ADAMTS12: variants seen among roughly 807,000 people sequenced by gnomAD.
ADAMTS12 encodes the protein ADAM metallopeptidase with thrombospondin type 1 motif 12.
In ADAMTS12, 118 loss-of-function variants were observed where a neutral mutation model predicts 167.8. The ratio of observed to expected loss-of-function variants is 0.70; its 90% confidence interval spans 0.61 to 0.82. The LOEUF (loss-of-function observed/expected upper bound fraction) is 0.82, where lower values mean the gene tolerates loss of function less well. Among genes scored for constraint, ADAMTS12 ranks in the 40% least tolerant of loss-of-function variants. ADAMTS12 has a pLI of 0.00. For synonymous variants in ADAMTS12, 704 were observed against 716.9 expected (o/e 0.98, Z 0.29); for missense variants, 1,916 against 1,998.8 (o/e 0.96, Z 0.79).
intron 20 of ADAMTS12, among the ~76,000 whole-genome samples, chr5:33,555,559 A>G (rs1745453248): frequency 6.6e-6 from 1 of 152,134 alleles, no homozygotes; most frequent in South Asian, 2.1e-4. Flanking sequence ...TCCCCCATAC[A>G]AATTTTAACA....
intron 2 of ADAMTS12, among the ~76,000 whole-genome samples, chr5:33,849,526 TTGCATAGCAATATATACATATATGTAC>T (rs1749122513): frequency 1.4e-5 from 2 of 145,842 alleles, no homozygotes; most frequent in African/African-American, 5.1e-5. Context: ...TATATATGTA[TTGCATAGCAATATATACATATATGTAC>T]TGCATAGCAA....
intron 16 of ADAMTS12, among the ~76,000 whole-genome samples, chr5:33,600,790 T>C (rs146681645): frequency 1.3e-5 from 2 of 152,206 alleles, no homozygotes; most frequent in East Asian, 1.9e-4. Flanking sequence ...ATTTTAATAA[T>C]AGAAAATGAT....
Position 33,683,117 on chromosome 5 carries a change from G to A in ADAMTS12, c.832-16C>T, listed in dbSNP as rs370913197. 1 of 1,587,508 alleles carries A rather than the reference G, an allele frequency of 6.3e-7. No homozygotes were observed. Among genetic ancestry groups the A allele is most frequent in the African/African-American group, 1.3e-5 (1 of 74,184 alleles). On this transcript the variant is annotated splice_polypyrimidine_tract_variant and intron_variant, in intron 4 of 23. Transcript: ENST00000504830. ...ACCCAGTGACCTAGGGTCAGAAATA[G>A]AAAACCATTAGCTCCACACGAAGAG...
chr5:33,705,888 C>A (rs773376533), intron 3 of ADAMTS12, among the ~76,000 whole-genome samples: 1 of 151,882 alleles, frequency 6.6e-6, no homozygotes, highest in Non-Finnish European at 1.5e-5. Flanking sequence ...TAAATAGCTA[C>A]AAAAAATATA....
At chr5:33,652,462 C>T (rs1181209957) in intron 7 of ADAMTS12, among the ~76,000 whole-genome samples, 2 of 152,022 alleles carry the variant, frequency 1.3e-5, no homozygotes, top group Admixed American at 6.6e-5. Context: ...CCTATTCCTA[C>T]TTTTTAATGG....
At chr5:33,575,400 T>A (rs1373056047) in intron 19 of ADAMTS12, among the ~76,000 whole-genome samples, 2 of 152,124 alleles carry the variant, frequency 1.3e-5, no homozygotes, top group African/African-American at 2.4e-5. Flanking sequence ...TTAGAGATAA[T>A]CTACACTTGC....
In ADAMTS12 at chr5:33,805,004, G is replaced by A. The variant is rs75329213; in HGVS notation, c.490-53456C>T. Among the ~76,000 whole-genome samples, 1,070 of 152,290 alleles carry A rather than the reference G, an allele frequency of 7.0e-3. 12 individuals carry two copies. The highest frequency in any genetic ancestry group is 0.025 in the African/African-American group (1,029 of 41,560). Reference sequence around the variant, plus strand: ...CACCCCTGACAAACAAACAATGTCTGACTAGTACCAATGTACTCATGAGAG... The same window carrying A: ...CACCCCTGACAAACAAACAATGTCTAACTAGTACCAATGTACTCATGAGAG... On this transcript the variant is annotated intron_variant, in intron 2 of 23. Transcript: ENST00000504830.
intron 3 of ADAMTS12, among the ~76,000 whole-genome samples, chr5:33,735,571 G>T (rs1744341583): frequency 6.6e-6 from 1 of 152,124 alleles, no homozygotes; most frequent in Non-Finnish European, 1.5e-5. Flanking sequence ...TTTGGCTTAT[G>T]GACTGTAGTT....
intron 2 of ADAMTS12, among the ~76,000 whole-genome samples, chr5:33,811,485 G>A (rs1246724558): frequency 6.6e-6 from 1 of 152,150 alleles, no homozygotes; most frequent in East Asian, 1.9e-4. Flanking sequence ...ATATCTGGGA[G>A]AAAAGTGGTC....
At chr5:33,566,676 G>A (rs1052610205) in intron 19 of ADAMTS12, among the ~76,000 whole-genome samples, 5 of 152,076 alleles carry the variant, frequency 3.3e-5, no homozygotes, top group Non-Finnish European at 7.3e-5. Context: ...TATTGCTTCA[G>A]AATAGGCTAC....
At chr5:33,842,633 G>C (rs1295142037) in intron 2 of ADAMTS12, among the ~76,000 whole-genome samples, 1 of 152,288 alleles carries the variant, frequency 6.6e-6, no homozygotes, top group Non-Finnish European at 1.5e-5. Flanking sequence ...AAACGCAAGG[G>C]GCAGCTGGAA....
chr5:33,620,283 G>C (rs1469714028), intron 14 of ADAMTS12, among the ~76,000 whole-genome samples: 1 of 152,176 alleles, frequency 6.6e-6, no homozygotes, highest in Non-Finnish European at 1.5e-5. Flanking sequence ...CTTCTTGGGA[G>C]CATTTCCAGC....
At chr5:33,598,869 G>A (rs1738044240) in intron 16 of ADAMTS12, among the ~76,000 whole-genome samples, 1 of 152,190 alleles carries the variant, frequency 6.6e-6, no homozygotes, top group Admixed American at 6.5e-5. Context: ...ACTAAATGCA[G>A]AAGTGATGCT....
rs1389271228 is a variant in ADAMTS12 at position 33,891,973 on chromosome 5, G to A, written c.-117C>T. ...AGGGGTGCATGGTCAGGCGCGAGAA[G>A]GCAGCGACTGCAAAGCTGCCCGCGA... On this transcript the variant is annotated 5_prime_UTR_variant, in exon 1 of 24. Transcript: ENST00000504830. The A allele has an allele frequency of 7.5e-7, 1 of 1,339,254 alleles. No homozygotes were observed. Among genetic ancestry groups the A allele is most frequent in the African/African-American group, 1.5e-5 (1 of 67,482 alleles). 83.0% of individuals were successfully genotyped at this position (1,339,254 alleles called of 1,614,324 possible).
At chr5:33,563,440 G>T (rs1252021132) in intron 19 of ADAMTS12, among the ~76,000 whole-genome samples, 2 of 152,134 alleles carry the variant, frequency 1.3e-5, no homozygotes, top group Non-Finnish European at 2.9e-5. Context: ...CCCTGCCTCT[G>T]CTATGAAACT....
At chr5:33,551,335 G>A (rs1190912832) in intron 20 of ADAMTS12, among the ~76,000 whole-genome samples, 1 of 152,194 alleles carries the variant, frequency 6.6e-6, no homozygotes, top group Non-Finnish European at 1.5e-5. Flanking sequence ...CATAAATCAA[G>A]TGTGTTTAGA....
chr5:33,637,382 G>A (rs1248391493), intron 12 of ADAMTS12, among the ~76,000 whole-genome samples, 195 bp downstream of exon 12: 5 of 152,184 alleles, frequency 3.3e-5, no homozygotes, highest in African/African-American at 1.2e-4. Flanking sequence ...CTCAGACAGA[G>A]TTGAATGTAT....
chr5:33,688,087 C>G (rs893035280), intron 3 of ADAMTS12, among the ~76,000 whole-genome samples: 1 of 152,164 alleles, frequency 6.6e-6, no homozygotes, highest in Non-Finnish European at 1.5e-5. Flanking sequence ...TCTTCTTTGG[C>G]CTTTGCCCCA....
At chr5:33,811,161 C>T (rs1037208796) in intron 2 of ADAMTS12, among the ~76,000 whole-genome samples, 15 of 152,286 alleles carry the variant, frequency 9.8e-5, no homozygotes, top group African/African-American at 3.6e-4. Flanking sequence ...ACTGTGCCAA[C>T]TCATAGAGTA....
Sources: allele counts gnomAD v4.1 joint callset (sites outside exome capture counted in the v4.1 genomes callset), GRCh38; gene constraint gnomAD v4.1.1; transcripts MANE v1.5; gene names NCBI Gene and HGNC (gene_info 2026-07-23, HGNC 2026-07-21).